Variants in UBQLN4 observed in about 807,000 individuals in gnomAD.
UBQLN4 encodes the protein ubiquilin-4.
In UBQLN4, 11 loss-of-function variants were observed where a neutral mutation model predicts 60.4. The observed-to-expected ratio is 0.18, with a 90% CI of 0.11 to 0.30. The LOEUF is 0.30. Among genes scored for constraint, UBQLN4 ranks in the 10% least tolerant of loss-of-function variants. The pLI is 1.00. For missense variants in UBQLN4, 417 were observed against 795.5 expected, an observed-to-expected ratio of 0.52 and a Z score of 5.72; for synonymous variants, 258 against 313.1, an observed-to-expected ratio of 0.82 and a Z score of 1.86.
At position 156,050,560 on chromosome 1, in the gene UBQLN4, G is replaced by GA; in HGVS notation, c.479-8dup. On this transcript the variant is annotated splice_polypyrimidine_tract_variant and splice_region_variant and intron_variant, in intron 3 of 10. Coordinates refer to ENST00000368309, the MANE Select transcript of UBQLN4 (RefSeq NM_020131.5). The surrounding 1 kb of genome is among the most constrained non-coding windows in gnomAD (Gnocchi z 4.6). ...AGGATGCCCCCAAAGCCAGCTGTGG[G>GA]AAGGGGGCAGGGTCACAGTCTGCCA... The GA allele has an allele frequency of 1.2e-6, 2 of 1,604,602 alleles. No homozygotes were observed. Among genetic ancestry groups the GA allele is most frequent in the South Asian group, 2.2e-5 (2 of 89,948 alleles).
downstream of UBQLN4, chr1:156,033,398 G>T (rs911967401): frequency 3.0e-6 from 2 of 677,744 alleles, no homozygotes; most frequent in Non-Finnish European, 1.8e-6. Flanking sequence ...GTTTTGTTTT[G>T]TTTTTTTGCT....
downstream of UBQLN4, chr1:156,033,386 T>C (rs565712610): frequency 5.5e-4 from 413 of 756,738 alleles, 1 homozygote; most frequent in Admixed American, 1.9e-3. Context: ...TTTTTTTGTT[T>C]TGTTTTGTTT....
In UBQLN4 at chr1:156,050,404, A is replaced by G; in HGVS notation, c.628T>C (p.Ser210Pro). The G allele has an allele frequency of 6.2e-7, 1 of 1,614,128 alleles. No individual in the cohort carries two copies. The highest frequency in any genetic ancestry group is 8.5e-7 in the Non-Finnish European group (1 of 1,180,020). ...MENPLVQDMM[S>P]NPDLMRHMIM... ...ATGTGACGCATCAGATCAGGGTTAG[A>G]CATCATATCCTGGACCAGGGGGTTC... Residue 210 changes from serine to proline, a missense_variant, in exon 4 of 11, where the codon TCT becomes CCT. Ser to Pro is a moderately conservative substitution (Grantham distance 74). Coordinates refer to ENST00000368309, the MANE Select transcript of UBQLN4 (RefSeq NM_020131.5). This position sits in a 1 kb window ranked among gnomAD's most constrained non-coding sequence, Gnocchi z 4.6.
rs536693264 is a variant in UBQLN4, at chr1:156,050,682, C to T, written c.479-129G>A. ...CATGTCCCTCTTCCTGTCATTCCCA[C>T]AGCCCGGCCCTGATCCACTGCTGGC... On this transcript the variant is annotated intron_variant, in intron 3 of 10. Transcript: ENST00000368309. This position sits in a 1 kb window ranked among gnomAD's most constrained non-coding sequence, Gnocchi z 4.6. The T allele has an allele frequency of 7.3e-7, 1 of 1,368,580 alleles. No homozygotes were observed. The highest frequency in any genetic ancestry group is 9.7e-7 in the Non-Finnish European group (1 of 1,031,992). 84.8% of individuals were successfully genotyped at this position (1,368,580 alleles called of 1,614,324 possible).
At chr1:156,035,251 A>C, downstream of UBQLN4, 7 of 984,856 alleles carry the variant, frequency 7.1e-6, no homozygotes, top group Non-Finnish European at 8.4e-6. Context: ...AAAACCAAGA[A>C]GTTGTTTTCA....
Position 156,047,242 on chromosome 1 carries a change from ATT to A in UBQLN4, c.900+1257_900+1258del, listed in dbSNP as rs35659997. Among the ~76,000 whole-genome samples the A allele has an allele frequency of 8.7e-4, 116 of 133,676 alleles. No individual in the cohort carries two copies. The South Asian group carries it at 0.011, about 13-fold the overall frequency. The allele number at this position is 133,676 out of a possible 152,430, so 87.7% of individuals were successfully genotyped here. Reference sequence around the variant, plus strand: ...TTTGTTTACTTTGTGTAACTTGTGAATTTTTTTTTTTTTTTTTTTGAGATGGA... The same window carrying A: ...TTTGTTTACTTTGTGTAACTTGTGAATTTTTTTTTTTTTTTTTGAGATGGA... On this transcript the variant is annotated intron_variant, in intron 5 of 10. Transcript: ENST00000368309.
At chr1:156,051,892 G>A (rs749908866) in intron 1 of UBQLN4, 35 bp from the exon 2 acceptor site, 2 of 1,611,612 alleles carry the variant, frequency 1.2e-6, no homozygotes, top group East Asian at 4.5e-5. Flanking sequence ...TGTGGAGGCT[G>A]CCTGGACTCC....
At chr1:156,047,131 G>C (rs1169931395) in intron 5 of UBQLN4, among the ~76,000 whole-genome samples, 1 of 152,104 alleles carries the variant, frequency 6.6e-6, no homozygotes, top group Non-Finnish European at 1.5e-5. Flanking sequence ...GTAGAAAAGA[G>C]CTGGCTGGGA....
chr1:156,044,328 GGAGA>G, intron 5 of UBQLN4, 105 bp from the exon 6 acceptor site: 1 of 1,057,320 alleles, frequency 9.5e-7, no homozygotes, highest in Non-Finnish European at 1.4e-6. Context: ...CCCAGAAAAG[GGAGA>G]GAGATCTAAG....
Position 156,050,200 on chromosome 1 carries a change from GAACAAATC to G in UBQLN4, c.741+83_741+90del. 6.8e-7 allele frequency: 1 copy of G among 1,469,562 alleles called. No individual in the cohort carries two copies. The highest frequency in any genetic ancestry group is 1.5e-5 in the South Asian group (1 of 67,746). The allele number at this position is 1,469,562 out of a possible 1,614,324, so 91.0% of individuals were successfully genotyped here. ...GTTCAAAACTGCTGAATACACGAAT[GAACAAATC>G]AATGTAGGACAAAGTAGGAAAGGCT... On this transcript the variant is annotated intron_variant, in intron 4 of 10. Transcript: ENST00000368309. The surrounding 1 kb of genome is among the most constrained non-coding windows in gnomAD (Gnocchi z 4.6).
At position 156,036,306 on chromosome 1, in the gene UBQLN4, GA is replaced by G. The variant is rs1287315083; in HGVS notation, c.*671del. On this transcript the variant is annotated 3_prime_UTR_variant, in exon 11 of 11. Transcript: ENST00000368309. ...AATCTCATTCCCTCCTCTTTCACAC[GA>G]ATTTCCTCTGGGCTGCTCCAGCGTT... is the stretch of plus-strand genomic sequence containing the variant. 1.0e-6 allele frequency: 1 copy of G among 985,380 alleles called. No individual in the cohort carries two copies. Among genetic ancestry groups the G allele is most frequent in the Non-Finnish European group, 1.2e-6 (1 of 829,970 alleles). 61.0% of individuals were successfully genotyped at this position (985,380 alleles called of 1,614,324 possible). A position where few individuals can be genotyped will look rare whatever the true frequency, so the allele number is the denominator to read the frequency against.
At chr1:156,043,261 C>CAG (rs1301902513) in intron 6 of UBQLN4, among the ~76,000 whole-genome samples, 1 of 152,216 alleles carries the variant, frequency 6.6e-6, no homozygotes, top group Non-Finnish European at 1.5e-5. Context: ...GTCTTAGCAG[C>CAG]AGAGACCCTT....
chr1:156,042,436 G>A lies in UBQLN4; in HGVS notation c.1267-200C>T, dbSNP rs545268979. ...CTCTGGGTAATGAAGAGTATGAGGA[G>A]TCAGCCTGCTCAGCCCTGGGTCTGA... On this transcript the variant is annotated intron_variant, in intron 7 of 10. Coordinates refer to ENST00000368309, the MANE Select transcript of UBQLN4 (RefSeq NM_020131.5). 120 of 1,409,498 alleles carry A rather than the reference G, an allele frequency of 8.5e-5. No individual in the cohort carries two copies. In the East Asian group the frequency reaches 3.1e-3, roughly 36 times the overall value. 87.3% of individuals were successfully genotyped at this position (1,409,498 alleles called of 1,614,324 possible).
chr1:156,037,181 C>G (rs781357116), intron 10 of UBQLN4, 51 bp from the exon 11 acceptor site: 1 of 1,587,930 alleles, frequency 6.3e-7, no homozygotes, highest in South Asian at 1.1e-5. Flanking sequence ...CTTGGGGGCC[C>G]TATTTGAATT....
At chr1:156,043,940 C>G (rs1683632425) in intron 6 of UBQLN4, 58 bp downstream of exon 6, 1 of 1,569,436 alleles carries the variant, frequency 6.4e-7, no homozygotes, top group Non-Finnish European at 8.7e-7. Flanking sequence ...CCATTCAGTC[C>G]TGGGACAGAG....
At position 156,035,961 on chromosome 1, in the gene UBQLN4, A is replaced by C; in HGVS notation, c.*1017T>G. 1 of 985,562 alleles carries C rather than the reference A, an allele frequency of 1.0e-6. No individual in the cohort carries two copies. Among genetic ancestry groups the C allele is most frequent in the Non-Finnish European group, 1.2e-6 (1 of 830,064 alleles). The allele number at this position is 985,562 out of a possible 1,614,324, so 61.1% of individuals were successfully genotyped here. A position where few individuals can be genotyped will look rare whatever the true frequency, so the allele number is the denominator to read the frequency against. On this transcript the variant is annotated 3_prime_UTR_variant, in exon 11 of 11. Transcript: ENST00000368309. ...ACTCACACAGACCCCAACCCCCTTCATGTCTTTTGAGGGGGGCTCAAACTA... is the reference window on the plus strand; with the variant it reads ...ACTCACACAGACCCCAACCCCCTTCCTGTCTTTTGAGGGGGGCTCAAACTA...
intron 10 of UBQLN4, among the ~76,000 whole-genome samples, chr1:156,039,365 C>T (rs1319446459): frequency 1.3e-5 from 2 of 151,452 alleles, no homozygotes; most frequent in Non-Finnish European, 1.5e-5. Flanking sequence ...ACTCTCCTGC[C>T]TCAACCTCTC....
At chr1:156,041,802 G>C (rs775120221) in intron 9 of UBQLN4, 70 bp downstream of exon 9, 1 of 1,497,478 alleles carries the variant, frequency 6.7e-7, no homozygotes, top group Admixed American at 2.4e-5. Context: ...TGCTGAGAGA[G>C]TGGCAGAGAG....
chr1:156,041,734 T>A, intron 9 of UBQLN4, 63 bp from the exon 10 acceptor site: 8 of 1,462,402 alleles, frequency 5.5e-6, no homozygotes, highest in Non-Finnish European at 7.3e-6. Flanking sequence ...GAATGTGAGA[T>A]CCAGAAGGAA....
Sources: gnomAD v4.1 joint callset for allele counts (sites outside exome capture counted in the v4.1 genomes callset) on GRCh38, gnomAD v4.1.1 for gene constraint, Gnocchi (gnomAD v3.1) non-coding constraint, MANE v1.5 for transcripts, NCBI Gene and HGNC (gene_info 2026-07-23, HGNC 2026-07-21) for gene names.